Variants in CACNA2D3 observed in about 807,000 individuals in gnomAD.
CACNA2D3 encodes calcium voltage-gated channel auxiliary subunit alpha2delta 3, also known as voltage-dependent calcium channel subunit alpha-2/delta-3.
In CACNA2D3, 60 loss-of-function variants were observed where a neutral mutation model predicts 160.6. The ratio of observed to expected loss-of-function variants is 0.37; its 90% CI spans 0.30 to 0.46. The LOEUF is 0.46. Among genes scored for constraint, CACNA2D3 ranks in the 20% least tolerant of loss-of-function variants. CACNA2D3 has a pLI of 1.00. For synonymous variants in CACNA2D3, 558 were observed against 492.9 expected (o/e 1.13, Z -1.75); for missense variants, 1,205 against 1,365.0 (o/e 0.88, Z 1.85).
At chr3:54,928,133 A>G (rs1701080462) in intron 27 of CACNA2D3, 8 of 551,172 alleles carry the variant, frequency 1.5e-5, no homozygotes, top group Admixed American at 3.2e-5. Context: ...ATCAGTTTCC[A>G]TAAGAGGATC....
intron 35 of CACNA2D3, among the ~76,000 whole-genome samples, chr3:55,027,026 C>G (rs1462689646): frequency 6.6e-6 from 1 of 152,160 alleles, no homozygotes; most frequent in African/African-American, 2.4e-5. Context: ...CTGGTCCTAA[C>G]AGAGCAAACA....
intron 35 of CACNA2D3, among the ~76,000 whole-genome samples, chr3:55,064,747 T>C (rs1032296880): frequency 4.6e-5 from 7 of 152,082 alleles, no homozygotes; most frequent in African/African-American, 1.4e-4. Context: ...GAGGATGGAT[T>C]TGAGAGGCAT....
At chr3:54,942,762 C>T (rs9839247) in intron 27 of CACNA2D3, among the ~76,000 whole-genome samples, 1,959 of 152,098 alleles carry the variant, frequency 0.013, 42 homozygotes, top group African/African-American at 0.045. Flanking sequence ...CAGTGGCTCA[C>T]ACCTGTAATC....
intron 2 of CACNA2D3, among the ~76,000 whole-genome samples, chr3:54,291,489 G>T (rs559582176): frequency 6.6e-6 from 1 of 152,016 alleles, no homozygotes; most frequent in Non-Finnish European, 1.5e-5. Flanking sequence ...AGAACCTCTT[G>T]TCATTTTTGC....
chr3:54,407,878 G>A (rs1304790328), intron 4 of CACNA2D3, among the ~76,000 whole-genome samples: 1 of 152,158 alleles, frequency 6.6e-6, no homozygotes, highest in Non-Finnish European at 1.5e-5. Flanking sequence ...ATCTGCTGCT[G>A]TGGCTTCTTT....
intron 13 of CACNA2D3, among the ~76,000 whole-genome samples, chr3:54,807,293 G>A (rs1040878905): frequency 1.3e-4 from 20 of 152,058 alleles, no homozygotes; most frequent in Admixed American, 2.0e-4. Context: ...GAAAATTTTC[G>A]CAACCTTCTC....
At chr3:54,269,775 T>C (rs1702584661) in intron 2 of CACNA2D3, among the ~76,000 whole-genome samples, 1 of 152,218 alleles carries the variant, frequency 6.6e-6, no homozygotes, top group South Asian at 2.1e-4. Flanking sequence ...AGCAGCTTCA[T>C]GGAACAGTGT....
intron 5 of CACNA2D3, among the ~76,000 whole-genome samples, chr3:54,548,081 G>A (rs1005976129): frequency 5.9e-5 from 9 of 152,158 alleles, no homozygotes; most frequent in African/African-American, 1.9e-4. Flanking sequence ...AGGCTTTGGT[G>A]TGGAGTGACT....
chr3:54,271,146 C>T (rs1337821158), intron 2 of CACNA2D3, among the ~76,000 whole-genome samples: 1 of 152,182 alleles, frequency 6.6e-6, no homozygotes, highest in Non-Finnish European at 1.5e-5. Flanking sequence ...GACCATGTGT[C>T]TAGAGAGCAG....
At chr3:54,433,312 G>T (rs1344532325) in intron 4 of CACNA2D3, among the ~76,000 whole-genome samples, 4 of 152,134 alleles carry the variant, frequency 2.6e-5, no homozygotes, top group African/African-American at 4.8e-5. Context: ...TAACTACAGG[G>T]ATAAGCCAGT....
intron 11 of CACNA2D3, among the ~76,000 whole-genome samples, chr3:54,709,011 CTT>C (rs35102613): frequency 0.36 from 50,683 of 141,838 alleles, 9,550 homozygotes; most frequent in East Asian, 0.49. Flanking sequence ...CCATCTTCAT[CTT>C]TTTTTTTTTT....
intron 2 of CACNA2D3, among the ~76,000 whole-genome samples, chr3:54,161,773 A>G (rs1359267773): frequency 3.9e-5 from 6 of 152,168 alleles, no homozygotes; most frequent in Non-Finnish European, 7.3e-5. Context: ...TTGACAAGAG[A>G]GTCCTTTAGG....
intron 11 of CACNA2D3, among the ~76,000 whole-genome samples, chr3:54,702,691 A>C (rs1700788678): frequency 6.6e-6 from 1 of 152,126 alleles, no homozygotes; most frequent in African/African-American, 2.4e-5. Flanking sequence ...TTCTCAGAGA[A>C]CTTAGAACAG....
chr3:54,296,721 C>T (rs115334924), intron 2 of CACNA2D3, among the ~76,000 whole-genome samples: 2,975 of 152,246 alleles, frequency 0.02, 33 homozygotes, highest in Middle Eastern at 0.071. Flanking sequence ...TCTTTGTACA[C>T]GGGCCATTTC....
At chr3:54,527,230 G>A (rs1701739286) in intron 5 of CACNA2D3, among the ~76,000 whole-genome samples, 1 of 152,162 alleles carries the variant, frequency 6.6e-6, no homozygotes, top group African/African-American at 2.4e-5. Context: ...CTTCCCAATT[G>A]TTTTCCACTA....
intron 4 of CACNA2D3, among the ~76,000 whole-genome samples, chr3:54,441,465 T>A (rs993807256): frequency 6.6e-6 from 1 of 152,236 alleles, no homozygotes; most frequent in Non-Finnish European, 1.5e-5. Context: ...TAGTTTCTTT[T>A]GCTGTGCAGA....
chr3:54,188,693 A>G (rs1475258886), intron 2 of CACNA2D3, among the ~76,000 whole-genome samples: 1 of 152,166 alleles, frequency 6.6e-6, no homozygotes, highest in Non-Finnish European at 1.5e-5. Flanking sequence ...TCCTTCATAT[A>G]GAAGAGATTT....
intron 2 of CACNA2D3, among the ~76,000 whole-genome samples, chr3:54,193,762 GT>G (rs1701022541): frequency 6.6e-6 from 1 of 152,172 alleles, no homozygotes; most frequent in Non-Finnish European, 1.5e-5. Flanking sequence ...ATTACAATGT[GT>G]TGTTGTTGAG....
At chr3:54,260,320 G>A (rs913892566) in intron 2 of CACNA2D3, among the ~76,000 whole-genome samples, 4 of 152,088 alleles carry the variant, frequency 2.6e-5, no homozygotes, top group East Asian at 1.9e-4. Flanking sequence ...ACATGAGACC[G>A]GGCAATTTAT....
Sources: allele counts gnomAD v4.1 joint callset (sites outside exome capture counted in the v4.1 genomes callset), GRCh38; gene constraint gnomAD v4.1.1; transcripts MANE v1.5; gene names NCBI Gene and HGNC (gene_info 2026-07-23, HGNC 2026-07-21).